The following LRP1B variants were observed in gnomAD, a reference collection of about 807,000 sequenced individuals.
LRP1B encodes the protein LDL receptor related protein 1B.
Under a neutral mutation model 556.6 loss-of-function variants are expected in LRP1B, and 217 were observed. That is an observed-to-expected ratio of 0.39 (90% CI 0.35 to 0.44). The LOEUF (loss-of-function observed/expected upper bound fraction) is 0.44. LRP1B is among the 20% of genes least tolerant of loss of function. The pLI, the probability that LRP1B is intolerant of heterozygous loss-of-function variation, is 1.00. For missense variants in LRP1B, 5,053 were observed against 5,620.8 expected (o/e 0.90, Z 3.23); for synonymous variants, 2,047 against 1,865.8 (o/e 1.10, Z -2.50).
intron 2 of LRP1B, among the ~76,000 whole-genome samples, chr2:141,693,527 T>A (rs1273477249): frequency 2.0e-5 from 3 of 152,062 alleles, no homozygotes; most frequent in Non-Finnish European, 1.5e-5. Context: ...TGAATTTGAA[T>A]AATAATAGTA....
chr2:141,967,808 T>C (rs1308399391), intron 1 of LRP1B, among the ~76,000 whole-genome samples: 1 of 151,892 alleles, frequency 6.6e-6, no homozygotes, highest in Non-Finnish European at 1.5e-5. Context: ...ATATTTACTA[T>C]AAGCCTGTTA....
intron 2 of LRP1B, among the ~76,000 whole-genome samples, chr2:141,518,979 AAAG>A (rs1379192766): frequency 1.3e-5 from 2 of 151,742 alleles, no homozygotes; most frequent in African/African-American, 2.4e-5. Context: ...TAGGAGAGAG[AAAG>A]AGGATGTGGG....
chr2:141,408,891 A>T (rs1363163147), intron 3 of LRP1B, among the ~76,000 whole-genome samples: 4 of 152,172 alleles, frequency 2.6e-5, no homozygotes, highest in Non-Finnish European at 4.4e-5. Flanking sequence ...GTGTGTAATA[A>T]AAAAGGTATT....
At chr2:141,721,716 CA>C (rs1692821832) in intron 2 of LRP1B, among the ~76,000 whole-genome samples, 1 of 152,082 alleles carries the variant, frequency 6.6e-6, no homozygotes, top group African/African-American at 2.4e-5. Flanking sequence ...AATTATGTGG[CA>C]AAACTGTTGT....
chr2:140,249,212 A>G (rs769448955), intron 86 of LRP1B, among the ~76,000 whole-genome samples: 6 of 151,692 alleles, frequency 4.0e-5, no homozygotes, highest in Non-Finnish European at 7.4e-5. Context: ...ACTTAATCAT[A>G]TTATGGTTCT....
chr2:140,804,648 A>T (rs1322934555), intron 32 of LRP1B, among the ~76,000 whole-genome samples: 2 of 103,890 alleles, frequency 1.9e-5, no homozygotes, highest in African/African-American at 3.6e-5. Flanking sequence ...GGTAAAAACT[A>T]ATTTTTTTTT....
At chr2:141,458,655 A>T (rs528776257) in intron 3 of LRP1B, among the ~76,000 whole-genome samples, 8 of 151,982 alleles carry the variant, frequency 5.3e-5, no homozygotes, top group African/African-American at 1.4e-4. Flanking sequence ...TTTTTTTTTT[A>T]AATCGTAAAA....
chr2:141,781,406 GC>G (rs1391143768), intron 2 of LRP1B, among the ~76,000 whole-genome samples: 2 of 152,078 alleles, frequency 1.3e-5, no homozygotes. Flanking sequence ...AACTACTTTT[GC>G]TTTTTACTAA....
At chr2:141,926,125 A>T (rs1245211936) in intron 1 of LRP1B, among the ~76,000 whole-genome samples, 1 of 152,216 alleles carries the variant, frequency 6.6e-6, no homozygotes, top group Non-Finnish European at 1.5e-5. Flanking sequence ...TCTCAGTCAC[A>T]TTAAATGTTA....
At chr2:141,032,989 G>A (rs978928982) in intron 11 of LRP1B, among the ~76,000 whole-genome samples, 1 of 151,892 alleles carries the variant, frequency 6.6e-6, no homozygotes, top group Non-Finnish European at 1.5e-5. Flanking sequence ...TCACAGCAAG[G>A]GGCCAGGCAG....
chr2:141,068,219 A>T (rs1280553931), intron 7 of LRP1B, among the ~76,000 whole-genome samples: 1 of 152,028 alleles, frequency 6.6e-6, no homozygotes, highest in Non-Finnish European at 1.5e-5. Flanking sequence ...CGGGGTTCAT[A>T]GTCTCACACC....
chr2:140,424,047 T>C (rs13018061), intron 66 of LRP1B, among the ~76,000 whole-genome samples: 51,667 of 151,916 alleles, frequency 0.34, 9,349 homozygotes, highest in African/African-American at 0.42. Flanking sequence ...GAAGGTTGAC[T>C]TTGAAGACTC....
At chr2:141,546,075 AC>A (rs1416586883) in intron 2 of LRP1B, among the ~76,000 whole-genome samples, 1 of 152,086 alleles carries the variant, frequency 6.6e-6, no homozygotes, top group Non-Finnish European at 1.5e-5. Context: ...TCCTAGATCT[AC>A]CACTCCAGCC....
chr2:141,047,978 T>C (rs1275700737), intron 11 of LRP1B, among the ~76,000 whole-genome samples: 1 of 152,118 alleles, frequency 6.6e-6, no homozygotes. Context: ...ATTAATCATA[T>C]ATTTCTTCAA....
chr2:140,520,014 T>G (rs1322671960), intron 49 of LRP1B, among the ~76,000 whole-genome samples: 1 of 152,258 alleles, frequency 6.6e-6, no homozygotes, highest in Non-Finnish European at 1.5e-5. Flanking sequence ...ACACTGTTTT[T>G]GGGAGTGTTC....
intron 3 of LRP1B, among the ~76,000 whole-genome samples, chr2:141,464,608 T>TATA (rs1244707646): frequency 1.0e-4 from 5 of 48,376 alleles, no homozygotes; most frequent in African/African-American, 2.5e-4. Context: ...ATATATATAT[T>TATA]TTTTTAGTAG....
intron 37 of LRP1B, among the ~76,000 whole-genome samples, chr2:140,711,278 A>G (rs532296991): frequency 2.0e-5 from 3 of 151,982 alleles, no homozygotes; most frequent in Non-Finnish European, 4.4e-5. Context: ...CTGACATTCT[A>G]TGGAATTTAA....
intron 41 of LRP1B, among the ~76,000 whole-genome samples, chr2:140,613,558 G>A (rs1683157713): frequency 6.6e-6 from 1 of 150,926 alleles, no homozygotes; most frequent in Non-Finnish European, 1.5e-5. Flanking sequence ...CCCTGACAAT[G>A]ATTATCTTCT....
intron 27 of LRP1B, among the ~76,000 whole-genome samples, chr2:140,858,590 T>C (rs1231354251): frequency 6.9e-6 from 1 of 144,364 alleles, no homozygotes; most frequent in Non-Finnish European, 1.6e-5. Context: ...CTTTTTCTTT[T>C]TAAGTTCCAG....
Sources: allele counts gnomAD v4.1 joint callset (sites outside exome capture counted in the v4.1 genomes callset), GRCh38; gene constraint gnomAD v4.1.1; transcripts MANE v1.5; gene names NCBI Gene and HGNC (gene_info 2026-07-23, HGNC 2026-07-21).